C10orf90: variants seen among roughly 807,000 people sequenced by gnomAD.
The protein encoded by C10orf90 is (E2-independent) E3 ubiquitin-conjugating enzyme FATS.
Under a neutral mutation model 62.5 loss-of-function variants are expected in C10orf90, and 56 were observed. The observed-to-expected ratio is 0.90, with a 90% confidence interval of 0.72 to 1.12. The LOEUF (loss-of-function observed/expected upper bound fraction) is 1.12, where lower values mean the gene tolerates loss of function less well. Ranked by LOEUF, C10orf90 falls within the 50% of genes most tolerant of loss-of-function variation. C10orf90 has a pLI of 0.00. For synonymous variants in C10orf90, 386 were observed against 340.4 expected, an observed-to-expected ratio of 1.13 and a Z score of -1.47; for missense variants, 970 against 880.4, an observed-to-expected ratio of 1.10 and a Z score of -1.29.
intron 4 of C10orf90, among the ~76,000 whole-genome samples, chr10:126,473,066 G>T (rs1257008895): frequency 6.6e-6 from 1 of 152,100 alleles, no homozygotes; most frequent in African/African-American, 2.4e-5. Flanking sequence ...GGGCACTTGG[G>T]ATGCAACAGT....
intron 7 of C10orf90, among the ~76,000 whole-genome samples, chr10:126,436,583 G>T (rs1036944185): frequency 6.6e-6 from 1 of 152,148 alleles, no homozygotes; most frequent in East Asian, 1.9e-4. Context: ...GCCTTTGCTT[G>T]GTGCTATGTG....
At chr10:126,432,338 A>G (rs1205097277) in intron 7 of C10orf90, among the ~76,000 whole-genome samples, 1 of 152,174 alleles carries the variant, frequency 6.6e-6, no homozygotes. Context: ...TCCAAAATTC[A>G]TTTCTTAGAT....
chr10:126,512,530 C>T (rs1863191097), intron 3 of C10orf90, among the ~76,000 whole-genome samples: 1 of 151,972 alleles, frequency 6.6e-6, no homozygotes, highest in African/African-American at 2.4e-5. Flanking sequence ...TGAAATTTGC[C>T]AGCTCGGTGT....
chr10:126,651,187 G>A (rs2133858525), intron 1 of C10orf90, among the ~76,000 whole-genome samples: 1 of 152,238 alleles, frequency 6.6e-6, no homozygotes, highest in South Asian at 2.1e-4. Flanking sequence ...ATATTTTACT[G>A]TTTTTGTTGT....
At chr10:126,440,954 T>C (rs1858278436) in intron 7 of C10orf90, among the ~76,000 whole-genome samples, 1 of 152,178 alleles carries the variant, frequency 6.6e-6, no homozygotes. Context: ...ACTCTGGTAA[T>C]ATGACAAAAC....
chr10:126,666,912 G>A lies in C10orf90; in HGVS notation c.240+3329C>T, dbSNP rs191666412. ...GGAGAATCATTTGAACCCGGGAGGC[G>A]GAGGTTGCAGTGAGCCAAGATCGTG... is the stretch of plus-strand genomic sequence containing the variant. On this transcript the variant is annotated intron_variant, in intron 1 of 9. Transcript: ENST00000488181. 5.2e-3 allele frequency among the ~76,000 whole-genome samples: 788 copies of A among 151,104 alleles called. 3 individuals are homozygous for A. The highest frequency in any genetic ancestry group is 6.4e-3 in the Non-Finnish European group (430 of 67,698).
chr10:126,626,342 C>T (rs1845743163), intron 2 of C10orf90, among the ~76,000 whole-genome samples: 1 of 152,068 alleles, frequency 6.6e-6, no homozygotes, highest in African/African-American at 2.4e-5. Flanking sequence ...TCTGTATTGT[C>T]CTATGGGGAC....
At chr10:126,616,462 T>A (rs1232815125) in intron 2 of C10orf90, among the ~76,000 whole-genome samples, 1 of 152,180 alleles carries the variant, frequency 6.6e-6, no homozygotes. Flanking sequence ...AGAGCATTGC[T>A]ACCAAATAGC....
chr10:126,459,240 G>A lies in C10orf90; in HGVS notation c.2011-23C>T, dbSNP rs772763054. The A allele has an allele frequency of 1.4e-5, 22 of 1,611,318 alleles. No individual in the cohort carries two copies. The Admixed American group carries it at 2.7e-4, about 20-fold the overall frequency. On this transcript the variant is annotated intron_variant, in intron 6 of 9. Coordinates refer to ENST00000488181, the MANE Select transcript of C10orf90 (RefSeq NM_001350921.2). ...TTCCTATGCAAAGCAAAGAAAATAC[G>A]TCATTTTTAAGAGCAGTGACACAGA...
rs1451336347 is a variant in C10orf90, at chr10:126,456,644, G to C, written c.2188+2396C>G. Among the ~76,000 whole-genome samples, 2 of 152,188 alleles carry C rather than the reference G, an allele frequency of 1.3e-5. No homozygotes were observed. Among genetic ancestry groups the C allele is most frequent in the Non-Finnish European group, 2.9e-5 (2 of 68,034 alleles). ...TGAATGTGACTTCTTTGGAAATAGG[G>C]TCTTTGCAGAGGTAATCAAGTTAAA... On this transcript the variant is annotated intron_variant, in intron 7 of 9. Transcript: ENST00000488181. This position sits in a 1 kb window ranked among gnomAD's most constrained non-coding sequence, Gnocchi z 4.9.
At chr10:126,430,768 G>A (rs140540876) in intron 7 of C10orf90, among the ~76,000 whole-genome samples, 263 of 152,280 alleles carry the variant, frequency 1.7e-3, no homozygotes, top group African/African-American at 6.2e-3. Context: ...GGGCTCCTGC[G>A]ATCCCCAGTG....
At chr10:126,618,626 C>A (rs565192931) in intron 2 of C10orf90, among the ~76,000 whole-genome samples, 2 of 152,128 alleles carry the variant, frequency 1.3e-5, no homozygotes, top group African/African-American at 4.8e-5. Flanking sequence ...AGTCAAATGA[C>A]CTCAGTTCCT....
intron 2 of C10orf90, among the ~76,000 whole-genome samples, chr10:126,544,936 C>G (rs1175207560): frequency 6.6e-6 from 1 of 152,144 alleles, no homozygotes; most frequent in Non-Finnish European, 1.5e-5. Context: ...AAGCCAATTC[C>G]TAGGCTAGAT....
chr10:126,576,713 A>ATATGTATATG (rs1844626517), intron 2 of C10orf90, among the ~76,000 whole-genome samples: 3 of 33,028 alleles, frequency 9.1e-5, no homozygotes, highest in African/African-American at 4.0e-4. Context: ...ATGTATATAT[A>ATATGTATATG]TACAAGATAT....
chr10:126,461,515 A>T lies in C10orf90; in HGVS notation c.1896T>A (p.Pro632=). 1 of 1,613,846 alleles carries T rather than the reference A, an allele frequency of 6.2e-7. No homozygotes were observed. The highest frequency in any genetic ancestry group is 2.2e-5 in the East Asian group (1 of 44,862). The change falls in exon 6 of 10, where the codon CCT becomes CCA. Residue 632 remains proline (P), a synonymous_variant. Transcript: ENST00000488181. ...ECKKSEDPTT[P]EPSPAAPSPA... ...GCGAGGGTGCTGCTGGGGAGGGCTCAGGTGTGGTGGGGTCCTCACTCTTCT... is the reference window on the plus strand; with the variant it reads ...GCGAGGGTGCTGCTGGGGAGGGCTCTGGTGTGGTGGGGTCCTCACTCTTCT...
chr10:126,557,398 T>C (rs1864801257), intron 2 of C10orf90, among the ~76,000 whole-genome samples: 1 of 149,154 alleles, frequency 6.7e-6, no homozygotes, highest in Non-Finnish European at 1.5e-5. Context: ...GAGAATGGCG[T>C]GAACGTGGGA....
Position 126,464,821 on chromosome 10 carries a change from T to C in C10orf90, c.1700A>G (p.Glu567Gly), listed in dbSNP as rs2133741718. ...TTTCAGGAAGCTTTGATGTCGTCTCTCTGTGGGCTCAGAAAGGTCTCTAGA... is the reference window on the plus strand; with the variant it reads ...TTTCAGGAAGCTTTGATGTCGTCTCCCTGTGGGCTCAGAAAGGTCTCTAGA... Reference protein sequence around the residue: ...CLSRDLSEPTERRHQSFLKPR... With the variant: ...CLSRDLSEPTGRRHQSFLKPR... The change falls in exon 5 of 10, where the codon GAG (glutamate) becomes GGG (glycine). Residue 567 changes from glutamate to glycine, a missense_variant. Glu to Gly is a moderately conservative substitution (Grantham distance 98, BLOSUM62 -2). Coordinates refer to ENST00000488181, the MANE Select transcript of C10orf90 (RefSeq NM_001350921.2). 1 of 1,614,176 alleles carries C rather than the reference T, an allele frequency of 6.2e-7. No individual in the cohort carries two copies. The highest frequency in any genetic ancestry group is 1.3e-5 in the African/African-American group (1 of 75,036).
intron 2 of C10orf90, among the ~76,000 whole-genome samples, chr10:126,565,251 T>TTAC (rs1844336516): frequency 6.8e-4 from 13 of 18,988 alleles, no homozygotes; most frequent in African/African-American, 1.7e-3. Context: ...TAATATTTAT[T>TTAC]ATATTATATA....
Position 126,504,737 on chromosome 10 carries a change from C to T in C10orf90, c.754G>A (p.Val252Met). The change falls in exon 4 of 10, where the codon GTG (valine) becomes ATG (methionine). Residue 252 changes from valine to methionine, a missense_variant. By Grantham distance (21) the Val-to-Met change is conservative (BLOSUM62 1). Coordinates refer to ENST00000488181, the MANE Select transcript of C10orf90 (RefSeq NM_001350921.2). The surrounding 1 kb of genome is among the most constrained non-coding windows in gnomAD (Gnocchi z 4.1). ...RRVGPPARAL[V>M]WGTAGDSLCP... is the part of the protein sequence containing the mutation. ...AGAGAGTCCCCAGCAGTCCCCCACA[C>T]CAGGGCGCGGGCTGGGGGGCCCACG... 1 of 1,599,418 alleles carries T rather than the reference C, an allele frequency of 6.3e-7. No individual in the cohort carries two copies. Among genetic ancestry groups the T allele is most frequent in the Non-Finnish European group, 8.5e-7 (1 of 1,171,768 alleles).
Sources: allele counts gnomAD v4.1 joint callset (sites outside exome capture counted in the v4.1 genomes callset), GRCh38; gene constraint gnomAD v4.1.1; non-coding constraint Gnocchi (gnomAD v3.1); transcripts MANE v1.5; gene names NCBI Gene and HGNC (gene_info 2026-07-23, HGNC 2026-07-21).